Variants in PRKCZ observed in about 807,000 individuals in gnomAD.
PRKCZ encodes the protein protein kinase C zeta type.
In PRKCZ, 33 loss-of-function variants were observed where a neutral mutation model predicts 79.5. The ratio of observed to expected loss-of-function variants is 0.41; its 90% CI spans 0.31 to 0.55. PRKCZ has a LOEUF of 0.55. Among genes scored for constraint, PRKCZ ranks in the 20% least tolerant of loss-of-function variants. The pLI, the probability that PRKCZ is intolerant of heterozygous loss-of-function variation, is 0.19. For missense variants in PRKCZ, 578 were observed against 813.5 expected, an observed-to-expected ratio of 0.71 and a Z score of 3.52; for synonymous variants, 342 against 320.9, an observed-to-expected ratio of 1.07 and a Z score of -0.70.
chr1:2,123,957 C>T lies in PRKCZ; in HGVS notation c.335-11305C>T, dbSNP rs796599430. 1.7e-4 allele frequency among the ~76,000 whole-genome samples: 3 copies of T among 17,260 alleles called. 1 individual carries two copies. The highest frequency in any genetic ancestry group is 3.5e-4 in the Non-Finnish European group (3 of 8,528). 11.3% of individuals were successfully genotyped at this position (17,260 alleles called of 152,430 possible). ...AGGGTCACGGCGGTGGTTAGGGTCA[C>T]GGCGGTGGTTAGGGTCACGGCGGTG... is the stretch of plus-strand genomic sequence containing the variant. On this transcript the variant is annotated intron_variant, in intron 4 of 17. Transcript: ENST00000378567.
intron 10 of PRKCZ, among the ~76,000 whole-genome samples, chr1:2,157,229 G>A (rs140479932): frequency 3.9e-5 from 6 of 152,210 alleles, no homozygotes; most frequent in South Asian, 2.1e-4. Context: ...AGGGAGGGCC[G>A]TCTGCTTACT....
intron 4 of PRKCZ, among the ~76,000 whole-genome samples, chr1:2,108,342 C>A (rs1669007933): frequency 6.6e-6 from 1 of 152,236 alleles, no homozygotes; most frequent in African/African-American, 2.4e-5. Flanking sequence ...ATGGGCGTGG[C>A]CCCTTGTCCC....
intron 4 of PRKCZ, among the ~76,000 whole-genome samples, chr1:2,084,698 G>A (rs1392478244): frequency 6.6e-6 from 1 of 152,186 alleles, no homozygotes. Context: ...CACCTTGTCA[G>A]CAAGTGGAGG....
intron 4 of PRKCZ, among the ~76,000 whole-genome samples, chr1:2,062,132 A>G (rs570646379): frequency 3.9e-5 from 6 of 152,242 alleles, no homozygotes; most frequent in Non-Finnish European, 7.3e-5. Context: ...ATGTGTGTCT[A>G]TATGAGTGAA....
chr1:2,164,037 G>A (rs1439194941), intron 10 of PRKCZ, among the ~76,000 whole-genome samples: 1 of 152,206 alleles, frequency 6.6e-6, no homozygotes, highest in Non-Finnish European at 1.5e-5. Flanking sequence ...TGCTGGTATT[G>A]AACCATCCTT....
At chr1:2,171,911 C>G (rs1684516343) in intron 11 of PRKCZ, 144 bp from the exon 12 acceptor site, 5 of 1,048,784 alleles carry the variant, frequency 4.8e-6, no homozygotes, top group Non-Finnish European at 6.7e-6. Flanking sequence ...GCCCTGTGCA[C>G]TGCACTTTCA....
rs1003578671 is a variant in PRKCZ at position 2,050,472 on chromosome 1, C to G, written c.-159C>G. The stretch of plus-strand genomic sequence containing the variant: ...CGCCCCGCGCGCCCCCCGCTCCCGC[C>G]CCGCGCGCCGCCGGAGTTCCGCGGA... On this transcript the variant is annotated 5_prime_UTR_variant, in exon 1 of 18. Coordinates refer to ENST00000378567, the MANE Select transcript of PRKCZ (RefSeq NM_002744.6). 7.1e-6 allele frequency: 2 copies of G among 283,400 alleles called. No individual in the cohort carries two copies. The highest frequency in any genetic ancestry group is 1.7e-4 in the East Asian group (2 of 11,828). 17.6% of individuals were successfully genotyped at this position (283,400 alleles called of 1,614,324 possible).
At chr1:2,102,612 G>A (rs555184975) in intron 4 of PRKCZ, among the ~76,000 whole-genome samples, 122 of 152,300 alleles carry the variant, frequency 8.0e-4, no homozygotes, top group African/African-American at 1.7e-3. Flanking sequence ...GATTACAGGT[G>A]TGAGCCACCG....
intron 9 of PRKCZ, among the ~76,000 whole-genome samples, chr1:2,154,538 C>G (rs1316609709): frequency 6.6e-6 from 1 of 152,146 alleles, no homozygotes; most frequent in African/African-American, 2.4e-5. Flanking sequence ...GACCCTGCCT[C>G]TACAAAAAAT....
chr1:2,148,538 G>A (rs1239479881), intron 7 of PRKCZ, among the ~76,000 whole-genome samples: 2 of 152,050 alleles, frequency 1.3e-5, no homozygotes, highest in East Asian at 3.9e-4. Flanking sequence ...CCCCCATCTA[G>A]TCATCCTCCA....
chr1:2,153,300 A>G (rs1680271129), intron 9 of PRKCZ, among the ~76,000 whole-genome samples: 1 of 152,182 alleles, frequency 6.6e-6, no homozygotes, highest in South Asian at 2.1e-4. Context: ...GTCTCTCAGG[A>G]TTAGATAAAA....
At chr1:2,109,383 C>T (rs1669256028) in intron 4 of PRKCZ, among the ~76,000 whole-genome samples, 1 of 152,168 alleles carries the variant, frequency 6.6e-6, no homozygotes, top group South Asian at 2.1e-4. Context: ...GGGGGGTGAC[C>T]CTTGACCTTG....
chr1:2,110,378 T>A (rs1190220933), intron 4 of PRKCZ, among the ~76,000 whole-genome samples: 1 of 152,234 alleles, frequency 6.6e-6, no homozygotes, highest in East Asian at 1.9e-4. Context: ...GCTCCGGCAC[T>A]GGCTTCCTCC....
At chr1:2,081,863 C>T (rs1302567381) in intron 4 of PRKCZ, among the ~76,000 whole-genome samples, 4 of 152,002 alleles carry the variant, frequency 2.6e-5, no homozygotes, top group African/African-American at 9.7e-5. Context: ...CTCTGTGCTG[C>T]ACTGACTTCC....
Position 2,092,632 on chromosome 1 carries a change from C to T in PRKCZ, c.334+33041C>T, listed in dbSNP as rs978549569. Among the ~76,000 whole-genome samples the T allele has an allele frequency of 4.6e-5, 7 of 152,180 alleles. No individual in the cohort carries two copies. In the East Asian group the frequency reaches 1.2e-3, roughly 25 times the overall value. ...ATTCATTGAGCTTGAAGACGTTGTA[C>T]GTGGAAGTGAACAGAACACACATAA... On this transcript the variant is annotated intron_variant, in intron 4 of 17. Transcript: ENST00000378567.
At chr1:2,055,732 C>T (rs1168929251) in intron 2 of PRKCZ, 170 bp downstream of exon 2, 5 of 1,004,084 alleles carry the variant, frequency 5.0e-6, no homozygotes, top group Non-Finnish European at 4.2e-6. Context: ...AGAGGTTGGC[C>T]ACAGATGCTT....
intron 4 of PRKCZ, among the ~76,000 whole-genome samples, chr1:2,134,518 G>A (rs1411064598): frequency 1.3e-5 from 2 of 152,208 alleles, no homozygotes; most frequent in African/African-American, 4.8e-5. Flanking sequence ...GACAAGACCA[G>A]CCGTCTGGTT....
rs1158708180 is a variant in PRKCZ at position 2,178,010 on chromosome 1, G to A, written c.1575+2697G>A. On this transcript the variant is annotated intron_variant, in intron 16 of 17. Transcript: ENST00000378567. The surrounding 1 kb of genome is among the most constrained non-coding windows in gnomAD (Gnocchi z 4.3). ...GGAAGAAGTGTGGCTGTTTTGGCCA[G>A]ATTGCTTTAGCTGTCCTCAGCAGGG... Among the ~76,000 whole-genome samples, 1 of 152,224 alleles carries A rather than the reference G, an allele frequency of 6.6e-6. No homozygotes were observed. Among genetic ancestry groups the A allele is most frequent in the East Asian group, 1.9e-4 (1 of 5,200 alleles).
rs1420333106 is a variant in PRKCZ at position 2,177,551 on chromosome 1, C to T, written c.1575+2238C>T. ...GCCTGTGGAGTGACGGGCTCCTTCT[C>T]TTCGGAGCACTGTCTAATCTGAGTG... On this transcript the variant is annotated intron_variant, in intron 16 of 17. Coordinates refer to ENST00000378567, the MANE Select transcript of PRKCZ (RefSeq NM_002744.6). This position sits in a 1 kb window ranked among gnomAD's most constrained non-coding sequence, Gnocchi z 6.4. 6.6e-6 allele frequency among the ~76,000 whole-genome samples: 1 copy of T among 152,196 alleles called. No homozygotes were observed. The highest frequency in any genetic ancestry group is 1.9e-4 in the East Asian group (1 of 5,192).
Sources: gnomAD v4.1 joint callset for allele counts (sites outside exome capture counted in the v4.1 genomes callset) on GRCh38, gnomAD v4.1.1 for gene constraint, Gnocchi (gnomAD v3.1) non-coding constraint, MANE v1.5 for transcripts, NCBI Gene and HGNC (gene_info 2026-07-23, HGNC 2026-07-21) for gene names.